Variants in CHD3 observed in about 807,000 individuals in gnomAD.
CHD3 encodes the protein ATP-dependent chromatin remodeler CHD3.
In CHD3, 52 loss-of-function variants were observed where a neutral mutation model predicts 248.9. The observed-to-expected ratio is 0.21, with a 90% CI of 0.17 to 0.26. CHD3 has a LOEUF of 0.26. CHD3 is among the 10% of genes least tolerant of loss of function. CHD3 has a pLI of 1.00. For missense variants in CHD3, 1,482 were observed against 2,605.8 expected, an observed-to-expected ratio of 0.57 and a Z score of 9.39; for synonymous variants, 985 against 985.2, an observed-to-expected ratio of 1.00 and a Z score of 0.00.
chr17:7,909,448 A>G lies in CHD3; in HGVS notation c.5590+110A>G. 7.4e-7 allele frequency: 1 copy of G among 1,356,404 alleles called. No individual in the cohort carries two copies. Among genetic ancestry groups the G allele is most frequent in the Non-Finnish European group, 9.5e-7 (1 of 1,049,626 alleles). The allele number at this position is 1,356,404 out of a possible 1,614,324, so 84.0% of individuals were successfully genotyped here. A position where few individuals can be genotyped will look rare whatever the true frequency, so the allele number is the denominator to read the frequency against. ...CCCTGACCCCTCTACCTGCTGAACC[A>G]TCCCCCTCTGACCTCTAACCCCACT... On this transcript the variant is annotated intron_variant, in intron 37 of 39. Coordinates refer to ENST00000330494, the MANE Select transcript of CHD3 (RefSeq NM_001005273.3). This position sits in a 1 kb window ranked among gnomAD's most constrained non-coding sequence, Gnocchi z 8.1.
upstream of CHD3, chr17:7,884,996 C>G (rs1967529043): frequency 5.7e-6 from 7 of 1,238,868 alleles, no homozygotes; most frequent in Non-Finnish European, 7.1e-6. Flanking sequence ...GGGCCGCGAC[C>G]GCCACAGCCC....
chr17:7,909,396 C>A lies in CHD3; in HGVS notation c.5590+58C>A, dbSNP rs916460125. The A allele has an allele frequency of 2.0e-5, 29 of 1,477,354 alleles. No homozygotes were observed. The highest frequency in any genetic ancestry group is 2.5e-5 in the Non-Finnish European group (28 of 1,111,498). The allele number at this position is 1,477,354 out of a possible 1,614,324, so 91.5% of individuals were successfully genotyped here. On this transcript the variant is annotated intron_variant, in intron 37 of 39. Coordinates refer to ENST00000330494, the MANE Select transcript of CHD3 (RefSeq NM_001005273.3). The surrounding 1 kb of genome is among the most constrained non-coding windows in gnomAD (Gnocchi z 8.1). ...GCCCACAACGCTGCGTAAGTCTTCA[C>A]CCCGCACCCCTCAAAATCTTCCCAC...
At chr17:7,891,862 CAA>C (rs201268003) in intron 4 of CHD3, among the ~76,000 whole-genome samples, 5 of 123,606 alleles carry the variant, frequency 4.0e-5, no homozygotes, top group Non-Finnish European at 3.5e-5. Flanking sequence ...AACTCCGTCT[CAA>C]AAAAAAAAAA....
In CHD3 at chr17:7,909,816, G is replaced by A. The variant is rs539894987; in HGVS notation, c.5590+478G>A. 3.3e-5 allele frequency: 6 copies of A among 182,516 alleles called. No homozygotes were observed. Among genetic ancestry groups the A allele is most frequent in the South Asian group, 1.2e-4 (1 of 8,294 alleles). The allele number at this position is 182,516 out of a possible 1,614,324, so 11.3% of individuals were successfully genotyped here. ...CCCATGAAACTTCCCTTTGACCTTC[G>A]ACCTTTCCTCCTACCCCCTCTCACC... On this transcript the variant is annotated intron_variant, in intron 37 of 39. Transcript: ENST00000330494. This position sits in a 1 kb window ranked among gnomAD's most constrained non-coding sequence, Gnocchi z 8.1.
In CHD3 at chr17:7,908,746, A is replaced by G; in HGVS notation, c.5311A>G (p.Ile1771Val). 3.1e-6 allele frequency: 5 copies of G among 1,614,124 alleles called. No individual in the cohort carries two copies. The highest frequency in any genetic ancestry group is 4.2e-6 in the Non-Finnish European group (5 of 1,180,022). The change falls in exon 36 of 40, where the codon ATT becomes GTT. Residue 1771 changes from isoleucine to valine, a missense_variant. Around this residue, in one of 20 missense-constraint regions of CHD3, gnomAD observed 27 missense variants for 23.5 expected, o/e 1.15. Coordinates refer to ENST00000330494, the MANE Select transcript of CHD3 (RefSeq NM_001005273.3). This position sits in a 1 kb window ranked among gnomAD's most constrained non-coding sequence, Gnocchi z 5.8. ...QDIQNDAQFA[I>V]INEPFKTEAN... ...CATCCAGAATGATGCTCAATTTGCC[A>G]TTATCAACGAGCCATTTAAAACTGA...
chr17:7,885,389 G>A (rs1271580734), upstream of CHD3, among the ~76,000 whole-genome samples: 1 of 147,966 alleles, frequency 6.8e-6, no homozygotes, highest in Admixed American at 6.8e-5. Flanking sequence ...CGCGCGGACC[G>A]GGCCACTCGG....
chr17:7,887,095 A>C (rs1968082043), upstream of CHD3, among the ~76,000 whole-genome samples: 1 of 152,122 alleles, frequency 6.6e-6, no homozygotes, highest in Non-Finnish European at 1.5e-5. Context: ...AAACTTCGGG[A>C]AATTATTTTT....
Position 7,910,223 on chromosome 17 carries a change from G to C in CHD3, c.5591-205G>C. Reference sequence around the variant, plus strand: ...ATCTGGTCTCTCTGTCTCTTTTCCTGACACTTTTTCTTTTCCCCTGAGTTG... The same window carrying C: ...ATCTGGTCTCTCTGTCTCTTTTCCTCACACTTTTTCTTTTCCCCTGAGTTG... On this transcript the variant is annotated intron_variant, in intron 37 of 39. Coordinates refer to ENST00000330494, the MANE Select transcript of CHD3 (RefSeq NM_001005273.3). This position sits in a 1 kb window ranked among gnomAD's most constrained non-coding sequence, Gnocchi z 4.7. 1 of 624,500 alleles carries C rather than the reference G, an allele frequency of 1.6e-6. No homozygotes were observed. Among genetic ancestry groups the C allele is most frequent in the African/African-American group, 1.9e-5 (1 of 53,918 alleles). 38.7% of individuals were successfully genotyped at this position (624,500 alleles called of 1,614,324 possible).
Position 7,895,381 on chromosome 17 carries a change from C to T in CHD3, c.1546C>T (p.Arg516Trp). ...KGRVQKILHW[R>W]WGEPPVAVPA... ...TCGAGTGCAGAAGATCCTACATTGGCGGTGGGGGGAGCCACCTGTAGCAGT... is the reference window on the plus strand; with the variant it reads ...TCGAGTGCAGAAGATCCTACATTGGTGGTGGGGGGAGCCACCTGTAGCAGT... Residue 516 changes from arginine (R) to tryptophan (W), a missense_variant, in exon 10 of 40, where the codon CGG becomes TGG. Transcript: ENST00000330494. The surrounding 1 kb of genome is among the most constrained non-coding windows in gnomAD (Gnocchi z 4.9). 1 of 1,614,132 alleles carries T rather than the reference C, an allele frequency of 6.2e-7. No homozygotes were observed. Among genetic ancestry groups the T allele is most frequent in the Non-Finnish European group, 8.5e-7 (1 of 1,180,008 alleles).
Position 7,911,011 on chromosome 17 carries a change from C to A in CHD3, c.5881+38C>A, listed in dbSNP as rs762675472. ...TTTCCTACCCCCTGCTACTCACACT[C>A]CTCCTTTGCCAAACTTTATTTCTGC... On this transcript the variant is annotated intron_variant, in intron 39 of 39. Coordinates refer to ENST00000330494, the MANE Select transcript of CHD3 (RefSeq NM_001005273.3). This position sits in a 1 kb window ranked among gnomAD's most constrained non-coding sequence, Gnocchi z 5.4. 6.2e-7 allele frequency: 1 copy of A among 1,609,160 alleles called. No homozygotes were observed. The highest frequency in any genetic ancestry group is 8.5e-7 in the Non-Finnish European group (1 of 1,178,620).
rs1298054608 is a variant in CHD3 at position 7,889,042 on chromosome 17, A to G, written c.42A>G (p.Lys14=). ...CTGTGATCCTGTGGGCAAGAAGTAA[A>G]AATGACCAGCTGAGGATTTCTTTTC... The part of the protein sequence containing the change: ...ADTVILWARS[K]NDQLRISFPP... The change falls in exon 1 of 40, where the codon AAA becomes AAG. Residue 14 remains lysine (K), a synonymous_variant. Transcript: ENST00000330494. The surrounding 1 kb of genome is among the most constrained non-coding windows in gnomAD (Gnocchi z 4.5). The G allele has an allele frequency of 6.2e-7, 1 of 1,614,260 alleles. No homozygotes were observed. Among genetic ancestry groups the G allele is most frequent in the Non-Finnish European group, 8.5e-7 (1 of 1,180,048 alleles).
In CHD3 at chr17:7,903,184, A is replaced by T; in HGVS notation, c.3496-88A>T. 1.3e-6 allele frequency: 2 copies of T among 1,571,120 alleles called. No homozygotes were observed. The highest frequency in any genetic ancestry group is 1.7e-6 in the Non-Finnish European group (2 of 1,148,602). ...CTGGGAGGAGAGAAGGCCCTTCTTC[A>T]GCAGCCTTCTTTCCTGAGGCAGCTC... On this transcript the variant is annotated intron_variant, in intron 22 of 39. Coordinates refer to ENST00000330494, the MANE Select transcript of CHD3 (RefSeq NM_001005273.3). The surrounding 1 kb of genome is among the most constrained non-coding windows in gnomAD (Gnocchi z 6.8).
chr17:7,893,670 G>A, intron 5 of CHD3, 101 bp downstream of exon 5: 3 of 1,528,334 alleles, frequency 2.0e-6, no homozygotes, highest in Non-Finnish European at 1.8e-6. Context: ...ATTGCTGGAG[G>A]AGAGATGCTT....
chr17:7,902,690 G>A lies in CHD3; in HGVS notation c.3333G>A (p.Thr1111=), dbSNP rs748618377. The A allele has an allele frequency of 3.7e-6, 6 of 1,614,020 alleles. No homozygotes were observed. The highest frequency in any genetic ancestry group is 1.1e-5 in the South Asian group (1 of 91,076). The change falls in exon 21 of 40, where the codon ACG becomes ACA. Residue 1111 remains threonine, a synonymous_variant. Coordinates refer to ENST00000330494, the MANE Select transcript of CHD3 (RefSeq NM_001005273.3). ...YKYERIDGGI[T]GALRQEAIDR... ...ATGAGCGCATCGATGGTGGTATCAC[G>A]GGTGCCCTGAGGCAGGAGGCCATCG...
At chr17:7,888,650 A>T (rs1968363025), upstream of CHD3, 1 of 255,984 alleles carries the variant, frequency 3.9e-6, no homozygotes, top group African/African-American at 2.3e-5. Context: ...CTGGGGAGAA[A>T]GCCAGGGACC....
upstream of CHD3, among the ~76,000 whole-genome samples, chr17:7,886,355 C>T (rs552043900): frequency 3.3e-5 from 5 of 152,354 alleles, no homozygotes; most frequent in South Asian, 2.1e-4. The surrounding 1 kb of genome is among the most constrained non-coding windows in gnomAD (Gnocchi z 4.2). Flanking sequence ...GGTGTCCACA[C>T]CCCCTGCTTG....
rs1259452008 is a variant in CHD3, at chr17:7,889,901, C to T, written c.213+125C>T. 1 of 879,374 alleles carries T rather than the reference C, an allele frequency of 1.1e-6. No individual in the cohort carries two copies. The allele number at this position is 879,374 out of a possible 1,614,324, so 54.5% of individuals were successfully genotyped here. On this transcript the variant is annotated intron_variant, in intron 2 of 39. Transcript: ENST00000330494. The surrounding 1 kb of genome is among the most constrained non-coding windows in gnomAD (Gnocchi z 4.5). ...TTCTGAAGCCAGGGAGGCTTGATCC[C>T]CCGGGCCCCCCACTTCCCTGCCACT...
Position 7,903,076 on chromosome 17 carries a change from C to T in CHD3, c.3495+15C>T, listed in dbSNP as rs754386986. ...ATGACATCCAGGTGGGAACTCGCAT[C>T]CTAGAACCCCTGCACCATTTAGCAA... On this transcript the variant is annotated intron_variant, in intron 22 of 39. Transcript: ENST00000330494. This position sits in a 1 kb window ranked among gnomAD's most constrained non-coding sequence, Gnocchi z 6.8. The T allele has an allele frequency of 3.7e-6, 6 of 1,610,884 alleles. No homozygotes were observed. Among genetic ancestry groups the T allele is most frequent in the Non-Finnish European group, 5.1e-6 (6 of 1,177,606 alleles).
chr17:7,898,687 T>TG, intron 13 of CHD3, 92 bp downstream of exon 13: 2 of 957,668 alleles, frequency 2.1e-6, no homozygotes, highest in Non-Finnish European at 3.2e-6. Flanking sequence ...AGAGATTCAG[T>TG]AACCTCTGTG....
Sources: allele counts gnomAD v4.1 joint callset (sites outside exome capture counted in the v4.1 genomes callset), GRCh38; gene constraint gnomAD v4.1.1; regional missense constraint gnomAD v4.1.1; non-coding constraint Gnocchi (gnomAD v3.1); transcripts MANE v1.5; gene names NCBI Gene and HGNC (gene_info 2026-07-23, HGNC 2026-07-21).